Variants in DPYSL5 observed in about 807,000 individuals in gnomAD.
The protein encoded by DPYSL5 is dihydropyrimidinase-related protein 5.
In DPYSL5, 9 loss-of-function variants were observed where a neutral mutation model predicts 58.4. The ratio of observed to expected loss-of-function variants is 0.15; its 90% CI spans 0.09 to 0.27. The LOEUF (loss-of-function observed/expected upper bound fraction) is 0.27. Ranked by LOEUF, DPYSL5 falls within the 10% of genes least tolerant of loss-of-function variation. The pLI is 1.00. For synonymous variants in DPYSL5, 293 were observed against 301.9 expected (o/e 0.97, Z 0.31); for missense variants, 499 against 770.6 (o/e 0.65, Z 4.17).
intron 2 of DPYSL5, among the ~76,000 whole-genome samples, chr2:26,912,002 C>A (rs144706101): frequency 1.3e-5 from 2 of 152,222 alleles, no homozygotes; most frequent in Non-Finnish European, 2.9e-5. Flanking sequence ...CCACAGACCC[C>A]GAGCTGGTGC....
intron 1 of DPYSL5, among the ~76,000 whole-genome samples, chr2:26,886,439 T>C (rs1320595492): frequency 6.6e-6 from 1 of 152,160 alleles, no homozygotes. Flanking sequence ...AAAAATGCAC[T>C]TAATGATATT....
At chr2:26,858,460 C>G (rs577117434) in intron 1 of DPYSL5, among the ~76,000 whole-genome samples, 91 of 152,234 alleles carry the variant, frequency 6.0e-4, no homozygotes, top group African/African-American at 2.0e-3. Flanking sequence ...CGTGAGCCAC[C>G]GCACCCAGCC....
intron 1 of DPYSL5, among the ~76,000 whole-genome samples, chr2:26,896,208 CAT>C (rs1307800826): frequency 2.6e-5 from 4 of 152,212 alleles, no homozygotes; most frequent in African/African-American, 9.7e-5. Flanking sequence ...AGTTATTACA[CAT>C]GACAGGACCT....
At chr2:26,860,498 T>G (rs946559545) in intron 1 of DPYSL5, among the ~76,000 whole-genome samples, 1 of 152,234 alleles carries the variant, frequency 6.6e-6, no homozygotes, top group Non-Finnish European at 1.5e-5. Context: ...AAATTAAAAC[T>G]GCACATTCCT....
At chr2:26,946,880 G>A (rs771376756) in intron 12 of DPYSL5, 30 bp from the exon 13 acceptor site, 42 of 1,596,496 alleles carry the variant, frequency 2.6e-5, no homozygotes, top group Middle Eastern at 1.7e-4. Context: ...ACAAGAGCCC[G>A]TCTCACCCTC....
chr2:26,942,060 T>C lies in DPYSL5; in HGVS notation c.1200T>C (p.Ala400=), dbSNP rs1572722418. The C allele has an allele frequency of 6.2e-7, 1 of 1,614,200 alleles. No individual in the cohort carries two copies. The change falls in exon 10 of 13, where the codon GCT becomes GCC. Residue 400 remains alanine, a synonymous_variant. Transcript: ENST00000288699. This position sits in a 1 kb window ranked among gnomAD's most constrained non-coding sequence, Gnocchi z 5.9. ...RKGRIIPGAD[A]DVVVWDPEAT... ...GCCGCATTATTCCCGGAGCCGATGCTGATGTGGTGGTGTGGGACCCAGAAG... is the reference window on the plus strand; with the variant it reads ...GCCGCATTATTCCCGGAGCCGATGCCGATGTGGTGGTGTGGGACCCAGAAG...
chr2:26,898,627 T>A lies in DPYSL5; in HGVS notation c.128T>A (p.Met43Lys). ...GIIQQVGREL[M>K]IPGGAKVIDA... ...ATCCAGCAGGTGGGCCGCGAGCTCA[T>A]GATCCCTGGCGGGGCCAAGGTGATT... Residue 43 changes from methionine (M) to lysine (K), a missense_variant, in exon 2 of 13, where the codon ATG (methionine) becomes AAG (lysine). Physicochemically the swap from Met to Lys is moderately conservative, Grantham distance 95 (BLOSUM62 -1). This residue lies in a region of DPYSL5 where 404 missense variants were observed against 647.6 expected (regional missense o/e 0.62). Transcript: ENST00000288699. This position sits in a 1 kb window ranked among gnomAD's most constrained non-coding sequence, Gnocchi z 6.1. 6.2e-7 allele frequency: 1 copy of A among 1,614,174 alleles called. No homozygotes were observed. Among genetic ancestry groups the A allele is most frequent in the Non-Finnish European group, 8.5e-7 (1 of 1,180,032 alleles).
chr2:26,946,413 TG>T (rs1323511132), intron 12 of DPYSL5, among the ~76,000 whole-genome samples: 7 of 151,974 alleles, frequency 4.6e-5, no homozygotes, highest in South Asian at 2.1e-4. Context: ...TGTTTGTTTT[TG>T]TTTTTTTTTT....
intron 9 of DPYSL5, 81 bp from the exon 10 acceptor site, chr2:26,941,869 T>C: frequency 4.4e-6 from 7 of 1,586,988 alleles, no homozygotes; most frequent in Non-Finnish European, 6.0e-6. Flanking sequence ...CCTAAGTCCA[T>C]GGGCCAGCAT....
At position 26,928,559 on chromosome 2, in the gene DPYSL5, A is replaced by C. The variant is rs1278855919; in HGVS notation, c.669+236A>C. ...AAAATACAAAAAAAATTAGCTGGGC[A>C]TAGTGGTGCATGCCTGTAGTCCCAG... is the stretch of plus-strand genomic sequence containing the variant. On this transcript the variant is annotated intron_variant, in intron 5 of 12. Coordinates refer to ENST00000288699, the MANE Select transcript of DPYSL5 (RefSeq NM_020134.4). Among the ~76,000 whole-genome samples, 3 of 150,806 alleles carry C rather than the reference A, an allele frequency of 2.0e-5. No homozygotes were observed. The South Asian group carries it at 6.4e-4, about 32-fold the overall frequency.
Position 26,944,895 on chromosome 2 carries a change from AC to A in DPYSL5, c.1609+72del. On this transcript the variant is annotated intron_variant, in intron 12 of 12. Coordinates refer to ENST00000288699, the MANE Select transcript of DPYSL5 (RefSeq NM_020134.4). The surrounding 1 kb of genome is among the most constrained non-coding windows in gnomAD (Gnocchi z 4.4). The stretch of plus-strand genomic sequence containing the variant: ...GTGGCCCACCTAGGCAGTGGGACTT[AC>A]GCCTGCTTTTCTTTTGTGTCCTCTC... 1 of 1,470,710 alleles carries A rather than the reference AC, an allele frequency of 6.8e-7. No individual in the cohort carries two copies. The highest frequency in any genetic ancestry group is 9.3e-7 in the Non-Finnish European group (1 of 1,071,716). The allele number at this position is 1,470,710 out of a possible 1,614,324, so 91.1% of individuals were successfully genotyped here.
intron 4 of DPYSL5, 132 bp from the exon 5 acceptor site, chr2:26,928,123 C>G (rs916250566): frequency 3.1e-5 from 29 of 936,806 alleles, no homozygotes; most frequent in Non-Finnish European, 4.5e-5. Context: ...ACGAACACTG[C>G]AGAAGTGAGA....
In DPYSL5 at chr2:26,880,907, G is replaced by A. The variant is rs191297676; in HGVS notation, c.-4-17589G>A. Among the ~76,000 whole-genome samples, 13 of 152,324 alleles carry A rather than the reference G, an allele frequency of 8.5e-5. No homozygotes were observed. In the East Asian group the frequency reaches 2.1e-3, roughly 25 times the overall value. ...CCTCAGAGGACAAAATAAGGCATAGGCTTGGCTTTCAAAAAGCTTCAGTCT... is the reference window on the plus strand; with the variant it reads ...CCTCAGAGGACAAAATAAGGCATAGACTTGGCTTTCAAAAAGCTTCAGTCT... On this transcript the variant is annotated intron_variant, in intron 1 of 12. Transcript: ENST00000288699.
chr2:26,914,142 G>A (rs1664506886), intron 2 of DPYSL5, among the ~76,000 whole-genome samples: 1 of 152,296 alleles, frequency 6.6e-6, no homozygotes, highest in East Asian at 1.9e-4. Flanking sequence ...CTGGGATACG[G>A]AGTAAAAATA....
In DPYSL5 at chr2:26,856,031, A is replaced by G. The variant is rs1290781423; in HGVS notation, c.-5+7777A>G. On this transcript the variant is annotated intron_variant, in intron 1 of 12. Transcript: ENST00000288699. ...GCCGTATTGTCAAGTGGCAATACAC[A>G]TACATGAAACAGTCACTTTTGGGGG... Among the ~76,000 whole-genome samples the G allele has an allele frequency of 2.0e-5, 3 of 152,230 alleles. No individual in the cohort carries two copies. The East Asian group carries it at 5.8e-4, about 29-fold the overall frequency.
In DPYSL5 at chr2:26,898,753, G is replaced by C; in HGVS notation, c.254G>C (p.Gly85Ala). The C allele has an allele frequency of 1.2e-6, 2 of 1,606,584 alleles. No individual in the cohort carries two copies. The highest frequency in any genetic ancestry group is 1.7e-6 in the Non-Finnish European group (2 of 1,174,610). ...NATCVDDFYHGTKAALVGGTT... is the reference protein window; with the variant it reads ...NATCVDDFYHATKAALVGGTT... ...ACGTGCGTGGACGACTTCTACCATGGGACCAAGGTAATGCTCCTGTTTGCC... is the reference window on the plus strand; with the variant it reads ...ACGTGCGTGGACGACTTCTACCATGCGACCAAGGTAATGCTCCTGTTTGCC... Residue 85 changes from glycine to alanine, a missense_variant, in exon 2 of 13, where the codon GGG (glycine) becomes GCG (alanine). By Grantham distance (60) the Gly-to-Ala change is moderately conservative. Transcript: ENST00000288699. This position sits in a 1 kb window ranked among gnomAD's most constrained non-coding sequence, Gnocchi z 6.1.
chr2:26,916,783 T>G (rs957031921), intron 2 of DPYSL5, among the ~76,000 whole-genome samples: 4 of 152,242 alleles, frequency 2.6e-5, no homozygotes, highest in African/African-American at 9.6e-5. Context: ...TATCTCTTGC[T>G]GCCTTGTAGT....
In DPYSL5 at chr2:26,928,687, G is replaced by GTGTATATATATATATATATATATATATA. The variant is rs143828804; in HGVS notation, c.669+365_669+366insGTATATATATATATATATATATATATAT. 1.2e-4 allele frequency among the ~76,000 whole-genome samples: 7 copies of GTGTATATATATATATATATATATATATA among 60,680 alleles called. 1 individual carries two copies. Among genetic ancestry groups the GTGTATATATATATATATATATATATATA allele is most frequent in the African/African-American group, 2.4e-4 (4 of 16,854 alleles). 39.8% of individuals were successfully genotyped at this position (60,680 alleles called of 152,430 possible). On this transcript the variant is annotated intron_variant, in intron 5 of 12. Coordinates refer to ENST00000288699, the MANE Select transcript of DPYSL5 (RefSeq NM_020134.4). ...ACTGCAATCCAGCCAAGGTGATAGA[G>GTGTATATATATATATATATATATATATA]TATATATATATATATATACACACAC...
At chr2:26,848,351 G>C (rs1414933277) in intron 1 of DPYSL5, 97 bp downstream of exon 1, 1 of 152,220 alleles carries the variant, frequency 6.6e-6, no homozygotes, top group Non-Finnish European at 1.5e-5. Flanking sequence ...CAAAAGGGCG[G>C]GGAGCCGGGT....
Sources: allele counts gnomAD v4.1 joint callset (sites outside exome capture counted in the v4.1 genomes callset), GRCh38; gene constraint gnomAD v4.1.1; regional missense constraint gnomAD v4.1.1; non-coding constraint Gnocchi (gnomAD v3.1); transcripts MANE v1.5; gene names NCBI Gene and HGNC (gene_info 2026-07-23, HGNC 2026-07-21).